The following DPH6 variants were observed in gnomAD, a reference collection of about 807,000 sequenced individuals.
DPH6 encodes the protein diphthine--ammonia ligase.
Under a neutral mutation model 38.2 loss-of-function variants are expected in DPH6, and 33 were observed. The observed-to-expected ratio is 0.86, with a 90% confidence interval of 0.65 to 1.15. The LOEUF is 1.15. DPH6 is among the 50% of genes most tolerant of loss of function. The pLI is 0.00. For synonymous variants in DPH6, 108 were observed against 103.0 expected, an observed-to-expected ratio of 1.05 and a Z score of -0.30; for missense variants, 325 against 320.0, an observed-to-expected ratio of 1.02 and a Z score of -0.12.
chr15:35,485,826 C>T (rs1018146316), intron 3 of DPH6, among the ~76,000 whole-genome samples: 15 of 152,320 alleles, frequency 9.8e-5, no homozygotes, highest in African/African-American at 2.6e-4. Flanking sequence ...GATGAGTATG[C>T]GGTAAACTCA....
At chr15:35,355,884 A>C (rs1476760456) in intron 3 of DPH6, among the ~76,000 whole-genome samples, 1 of 152,160 alleles carries the variant, frequency 6.6e-6, no homozygotes, top group Admixed American at 6.5e-5. Context: ...AGTGTTTTCC[A>C]ACTTGGTTCC....
chr15:35,361,134 T>C (rs368823462), intron 3 of DPH6, among the ~76,000 whole-genome samples: 1 of 152,286 alleles, frequency 6.6e-6, no homozygotes, highest in African/African-American at 2.4e-5. Flanking sequence ...AATAGGGCTG[T>C]TACTGACATG....
At chr15:35,409,181 G>A (rs1348364572) in intron 6 of DPH6, among the ~76,000 whole-genome samples, 1 of 151,658 alleles carries the variant, frequency 6.6e-6, no homozygotes, top group Non-Finnish European at 1.5e-5. Context: ...ATTAGTAGGG[G>A]TGGTGCTGGG....
intron 6 of DPH6, among the ~76,000 whole-genome samples, chr15:35,407,158 T>C (rs1566898365): frequency 6.6e-6 from 1 of 152,006 alleles, no homozygotes; most frequent in African/African-American, 2.4e-5. Flanking sequence ...TTACATACTA[T>C]ATTAATGTGA....
intron 6 of DPH6, among the ~76,000 whole-genome samples, chr15:35,407,323 T>C (rs1252243184): frequency 6.6e-6 from 1 of 151,942 alleles, no homozygotes; most frequent in African/African-American, 2.4e-5. Context: ...AATTGTAAAC[T>C]CTTCAAGAAC....
intron 3 of DPH6, among the ~76,000 whole-genome samples, chr15:35,292,604 C>T (rs1383325110): frequency 6.6e-6 from 1 of 152,040 alleles, no homozygotes; most frequent in Non-Finnish European, 1.5e-5. Context: ...AGCTAAAAGT[C>T]AATACTGCAA....
At chr15:35,381,596 A>C (rs992817457) in intron 7 of DPH6, among the ~76,000 whole-genome samples, 5 of 152,218 alleles carry the variant, frequency 3.3e-5, no homozygotes, top group Non-Finnish European at 2.9e-5. Flanking sequence ...CAAGTAAACG[A>C]AAGTGCAATG....
At chr15:35,316,922 T>G (rs550015503) in intron 3 of DPH6, among the ~76,000 whole-genome samples, 1 of 152,290 alleles carries the variant, frequency 6.6e-6, no homozygotes, top group East Asian at 1.9e-4. Context: ...ATCTTCAAGA[T>G]GCCAAAAGAG....
exon 4 of DPH6, chr15:35,218,207 CA>C (rs2051421284): frequency 6.6e-6 from 1 of 152,174 alleles, no homozygotes; most frequent in African/African-American, 2.4e-5. Flanking sequence ...TCCTCAGACA[CA>C]ATCAACCACA....
chr15:35,170,278 A>C, the DPH6 span, among the ~76,000 whole-genome samples: 1 of 152,218 alleles, frequency 6.6e-6, no homozygotes, highest in South Asian at 2.1e-4. Context: ...GATGAGAATG[A>C]AATGTGTCTC....
intron 3 of DPH6, among the ~76,000 whole-genome samples, chr15:35,240,477 A>G (rs1415147743): frequency 1.4e-5 from 2 of 142,130 alleles, no homozygotes; most frequent in South Asian, 2.5e-4. Flanking sequence ...GCTAGGTCCC[A>G]ATTCTTCCTC....
At chr15:35,167,151 C>A in the DPH6 span, among the ~76,000 whole-genome samples, 1 of 151,854 alleles carries the variant, frequency 6.6e-6, no homozygotes, top group Non-Finnish European at 1.5e-5. Context: ...CAAACAAAAG[C>A]CTGCTTATTA....
At chr15:35,450,844 A>G in intron 4 of DPH6, 41 bp from the exon 5 acceptor site, 1 of 1,476,626 alleles carries the variant, frequency 6.8e-7, no homozygotes, top group Non-Finnish European at 9.3e-7. Flanking sequence ...TGATCTCTTA[A>G]TGTTTTATAC....
intron 3 of DPH6, among the ~76,000 whole-genome samples, chr15:35,319,570 G>A (rs1302169383): frequency 1.3e-5 from 2 of 151,862 alleles, no homozygotes; most frequent in African/African-American, 2.4e-5. Context: ...GAGAAACCCC[G>A]TCTCCACTAA....
chr15:35,521,182 G>C (rs540592079), intron 3 of DPH6: 1 of 985,228 alleles, frequency 1.0e-6, no homozygotes, highest in South Asian at 4.7e-5. Context: ...CTTGAGTATT[G>C]CTCCCTTAAA....
At chr15:35,490,257 A>G (rs1472129686) in intron 3 of DPH6, 24 of 924,518 alleles carry the variant, frequency 2.6e-5, no homozygotes, top group Non-Finnish European at 2.8e-5. Context: ...AGACAGGCTG[A>G]ATTGTCAGTC....
At chr15:35,480,066 T>C (rs774666169) in intron 3 of DPH6, among the ~76,000 whole-genome samples, 5 of 152,010 alleles carry the variant, frequency 3.3e-5, no homozygotes. Context: ...ACTATAATAA[T>C]ACAATTTATT....
chr15:35,425,805 CAT>C (rs201530633), intron 5 of DPH6, among the ~76,000 whole-genome samples: 3,197 of 132,134 alleles, frequency 0.024, 100 homozygotes, highest in African/African-American at 0.092. Flanking sequence ...ATATATATGA[CAT>C]GACATATATA....
chr15:35,484,592 A>C (rs987881261), intron 3 of DPH6, among the ~76,000 whole-genome samples: 1 of 152,232 alleles, frequency 6.6e-6, no homozygotes, highest in Non-Finnish European at 1.5e-5. Flanking sequence ...CGGGAAGCTT[A>C]CAATATGGCA....
Sources: gnomAD v4.1 joint callset for allele counts (sites outside exome capture counted in the v4.1 genomes callset) on GRCh38, gnomAD v4.1.1 for gene constraint, MANE v1.5 for transcripts, NCBI Gene and HGNC (gene_info 2026-07-23, HGNC 2026-07-21) for gene names.